FAM135B: variants seen among roughly 807,000 people sequenced by gnomAD.
The protein encoded by FAM135B is family with sequence similarity 135 member B.
Under a neutral mutation model 127.7 loss-of-function variants are expected in FAM135B, and 43 were observed. The ratio of observed to expected loss-of-function variants is 0.34; its 90% confidence interval spans 0.26 to 0.43. The LOEUF (loss-of-function observed/expected upper bound fraction) is 0.43, where lower values mean the gene tolerates loss of function less well. FAM135B is among the 20% of genes least tolerant of loss of function. The pLI is 1.00. For synonymous variants in FAM135B, 670 were observed against 665.1 expected, an observed-to-expected ratio of 1.01 and a Z score of -0.11; for missense variants, 1,558 against 1,725.6, an observed-to-expected ratio of 0.90 and a Z score of 1.72.
chr8:138,450,787 G>A (rs1409812227), intron 1 of FAM135B: 1 of 152,042 alleles, frequency 6.6e-6, no homozygotes, highest in South Asian at 2.1e-4. Context: ...TTTGACTCAG[G>A]CTCTGTCAAT....
intron 4 of FAM135B, among the ~76,000 whole-genome samples, chr8:138,264,662 G>A (rs1822781420): frequency 6.6e-6 from 1 of 152,160 alleles, no homozygotes; most frequent in Non-Finnish European, 1.5e-5. Context: ...GGTGCTTAGT[G>A]AGTACTCAAT....
At chr8:138,472,858 G>A (rs1252820973) in intron 1 of FAM135B, among the ~76,000 whole-genome samples, 3 of 152,078 alleles carry the variant, frequency 2.0e-5, no homozygotes, top group Non-Finnish European at 2.9e-5. Flanking sequence ...GTCTGTTAAT[G>A]CAGATGCATT....
intron 17 of FAM135B, 50 bp from the exon 18 acceptor site, chr8:138,139,146 A>G: frequency 8.4e-7 from 1 of 1,192,846 alleles, no homozygotes; most frequent in Non-Finnish European, 1.2e-6. Flanking sequence ...ACAAAACAAA[A>G]ACTAACTGGG....
intron 7 of FAM135B, among the ~76,000 whole-genome samples, chr8:138,214,217 G>A (rs1421563090): frequency 2.6e-5 from 4 of 152,066 alleles, no homozygotes; most frequent in African/African-American, 7.2e-5. Context: ...CCATATCCCC[G>A]ACTCAAATAC....
At chr8:138,155,630 A>G (rs1355053011) in intron 12 of FAM135B, among the ~76,000 whole-genome samples, 3 of 152,074 alleles carry the variant, frequency 2.0e-5, no homozygotes, top group Non-Finnish European at 4.4e-5. Flanking sequence ...AACAAAAAAA[A>G]ACAGGGGTTG....
At chr8:138,326,605 G>A (rs548483042) in intron 2 of FAM135B, among the ~76,000 whole-genome samples, 12 of 152,284 alleles carry the variant, frequency 7.9e-5, no homozygotes, top group African/African-American at 2.9e-4. Context: ...CAAGCAGTCA[G>A]AAGGTGGGAG....
intron 1 of FAM135B, among the ~76,000 whole-genome samples, chr8:138,433,950 G>T (rs1399758450): frequency 6.6e-6 from 1 of 152,194 alleles, no homozygotes; most frequent in East Asian, 1.9e-4. Context: ...AGCTGCAGAA[G>T]ACACAAACGC....
At chr8:138,245,997 T>G (rs1450481652) in intron 6 of FAM135B, among the ~76,000 whole-genome samples, 1 of 152,180 alleles carries the variant, frequency 6.6e-6, no homozygotes, top group Admixed American at 6.5e-5. Flanking sequence ...CAAAGATGAT[T>G]CTTGCTATGC....
intron 6 of FAM135B, among the ~76,000 whole-genome samples, chr8:138,248,823 C>CAAAAAA (rs10639016): frequency 0.021 from 2,754 of 128,468 alleles, 100 homozygotes; most frequent in East Asian, 0.073. Flanking sequence ...GACGCTGTCT[C>CAAAAAA]AAAAAAAAAA....
At chr8:138,368,571 T>C (rs1376788962) in intron 1 of FAM135B, among the ~76,000 whole-genome samples, 1 of 152,220 alleles carries the variant, frequency 6.6e-6, no homozygotes, top group Admixed American at 6.5e-5. Context: ...GATTTTATCA[T>C]TGATATTATA....
intron 1 of FAM135B, among the ~76,000 whole-genome samples, chr8:138,430,221 C>T (rs1382554274): frequency 6.6e-6 from 1 of 152,170 alleles, no homozygotes; most frequent in Non-Finnish European, 1.5e-5. Flanking sequence ...CCATGCTGTT[C>T]CCACTTCCAT....
intron 2 of FAM135B, among the ~76,000 whole-genome samples, chr8:138,316,947 T>C (rs1340720688): frequency 6.6e-6 from 1 of 151,032 alleles, no homozygotes; most frequent in Non-Finnish European, 1.5e-5. Context: ...ACCACTGCAC[T>C]CTAGCCTGGG....
intron 14 of FAM135B, among the ~76,000 whole-genome samples, chr8:138,147,978 T>C (rs1447533284): frequency 6.6e-6 from 1 of 152,142 alleles, no homozygotes; most frequent in African/African-American, 2.4e-5. Context: ...AAAGGTATCC[T>C]ATAAGTGGGA....
At chr8:138,316,398 G>A (rs1827093216) in intron 2 of FAM135B, among the ~76,000 whole-genome samples, 1 of 152,018 alleles carries the variant, frequency 6.6e-6, no homozygotes, top group African/African-American at 2.4e-5. Context: ...GGAGGCTGAG[G>A]CGGGAGAATG....
At chr8:138,428,713 A>T (rs1359409251) in intron 1 of FAM135B, among the ~76,000 whole-genome samples, 2 of 152,098 alleles carry the variant, frequency 1.3e-5, no homozygotes, top group Non-Finnish European at 2.9e-5. Context: ...CATGTTCATG[A>T]GTCTTAGTAG....
intron 2 of FAM135B, among the ~76,000 whole-genome samples, chr8:138,321,708 C>G (rs1657612578): frequency 6.6e-6 from 1 of 152,098 alleles, no homozygotes; most frequent in Non-Finnish European, 1.5e-5. Flanking sequence ...GCTTATAATG[C>G]CTGGCAAGTA....
At chr8:138,410,142 T>C (rs1267557861) in intron 1 of FAM135B, among the ~76,000 whole-genome samples, 1 of 152,122 alleles carries the variant, frequency 6.6e-6, no homozygotes, top group African/African-American at 2.4e-5. Context: ...AGAAAGCAGA[T>C]ATTTTTCTAA....
At chr8:138,353,376 C>G (rs1192551907) in intron 2 of FAM135B, among the ~76,000 whole-genome samples, 1 of 152,144 alleles carries the variant, frequency 6.6e-6, no homozygotes, top group African/African-American at 2.4e-5. Context: ...TATCAGGATC[C>G]TTTTTGGTCC....
At chr8:138,136,714 C>A (rs1223715208) in intron 19 of FAM135B, among the ~76,000 whole-genome samples, 4 of 152,198 alleles carry the variant, frequency 2.6e-5, no homozygotes, top group South Asian at 4.1e-4. Flanking sequence ...CTCCAGGGAT[C>A]CTCGTCTGAC....
Sources: allele counts gnomAD v4.1 joint callset (sites outside exome capture counted in the v4.1 genomes callset), GRCh38; gene constraint gnomAD v4.1.1; transcripts MANE v1.5; gene names NCBI Gene and HGNC (gene_info 2026-07-23, HGNC 2026-07-21).